The following HEXB variants were observed in gnomAD, a reference collection of about 807,000 sequenced individuals.
HEXB encodes the protein beta-hexosaminidase subunit beta.
Under a neutral mutation model 71.2 loss-of-function variants are expected in HEXB, and 51 were observed. The ratio of observed to expected loss-of-function variants is 0.72; its 90% CI spans 0.57 to 0.90. HEXB has a LOEUF of 0.90. HEXB is among the 40% of genes least tolerant of loss of function. The pLI, the probability that HEXB is intolerant of heterozygous loss-of-function variation, is 0.00. For missense variants in HEXB, 617 were observed against 677.0 expected, an observed-to-expected ratio of 0.91 and a Z score of 0.98; for synonymous variants, 266 against 249.3, an observed-to-expected ratio of 1.07 and a Z score of -0.63.
chr5:74,663,962 CA>C (rs1267387415), intron 1 of HEXB, among the ~76,000 whole-genome samples: 1 of 150,220 alleles, frequency 6.7e-6, no homozygotes. Flanking sequence ...CCTGTATCTA[CA>C]AAAAACTTTA....
intron 5 of HEXB, among the ~76,000 whole-genome samples, chr5:74,700,001 CTTTTTTTTT>C (rs58177670): frequency 4.5e-4 from 18 of 40,374 alleles, no homozygotes; most frequent in Non-Finnish European, 6.1e-4. Context: ...TGTAAGTTTC[CTTTTTTTTT>C]TTTTTTTTTT....
Position 74,688,336 on chromosome 5 carries a change from CT to C in HEXB, c.300-979del, listed in dbSNP as rs35044539. 2.4e-4 allele frequency among the ~76,000 whole-genome samples: 29 copies of C among 121,890 alleles called. 1 individual carries two copies. Among genetic ancestry groups the C allele is most frequent in the South Asian group, 7.7e-4 (3 of 3,920 alleles). The allele number at this position is 121,890 out of a possible 152,430, so 80.0% of individuals were successfully genotyped here. ...GATTTTTGGATACCAACAAAAGGTA[CT>C]TTTTTTTTTTTTGAGATGGAGTCTC... is the stretch of plus-strand genomic sequence containing the variant. On this transcript the variant is annotated intron_variant, in intron 1 of 13. Coordinates refer to ENST00000261416, the MANE Select transcript of HEXB (RefSeq NM_000521.4).
intron 1 of HEXB, among the ~76,000 whole-genome samples, chr5:74,686,000 C>T (rs542297154): frequency 2.6e-5 from 4 of 152,246 alleles, no homozygotes; most frequent in Admixed American, 6.5e-5. Flanking sequence ...GCCCCCTCAC[C>T]TCTCCTCACA....
At chr5:74,657,145 T>C (rs1056497886) in intron 1 of HEXB, among the ~76,000 whole-genome samples, 2 of 150,442 alleles carry the variant, frequency 1.3e-5, no homozygotes, top group Admixed American at 1.3e-4. Flanking sequence ...TGGGGAGGGG[T>C]CGTGTGTGTG....
intron 5 of HEXB, among the ~76,000 whole-genome samples, chr5:74,701,832 C>A (rs937033590): frequency 2.0e-5 from 3 of 151,946 alleles, no homozygotes; most frequent in Non-Finnish European, 4.4e-5. Context: ...TGCATCAATA[C>A]CCCCTTAATA....
At chr5:74,682,649 T>C (rs77729137), upstream of HEXB, among the ~76,000 whole-genome samples, 1,622 of 152,342 alleles carry the variant, frequency 0.011, 23 homozygotes, top group African/African-American at 0.037. Flanking sequence ...AAATTGATGA[T>C]TGAATCTTGG....
rs773767639 is a variant in HEXB, at chr5:74,652,027, G to A, written c.-377+11469G>A. 6.6e-6 allele frequency among the ~76,000 whole-genome samples: 1 copy of A among 152,156 alleles called. No individual in the cohort carries two copies. Among genetic ancestry groups the A allele is most frequent in the African/African-American group, 2.4e-5 (1 of 41,428 alleles). On this transcript the variant is annotated intron_variant, in intron 1 of 13. Coordinates refer to the HEXB transcript ENST00000511181. This position sits in a 1 kb window ranked among gnomAD's most constrained non-coding sequence, Gnocchi z 5.4. Reference sequence around the variant, plus strand: ...ACTCTTATGCCAGACAAACTAGGACGTGTCTAAAAAGTCAGACACTGCATT... The same window carrying A: ...ACTCTTATGCCAGACAAACTAGGACATGTCTAAAAAGTCAGACACTGCATT...
rs79877164 is a variant in HEXB at position 74,689,347 on chromosome 5, G to A, written c.319G>A (p.Gly107Ser). 6 of 1,612,906 alleles carry A rather than the reference G, an allele frequency of 3.7e-6. No homozygotes were observed. Among genetic ancestry groups the A allele is most frequent in the Non-Finnish European group, 5.1e-6 (6 of 1,179,120 alleles). ...AFRRYHGYIFGFYKWHHEPAE... is the reference protein window; with the variant it reads ...AFRRYHGYIFSFYKWHHEPAE... ...AAACAGATATCATGGCTATATTTTT[G>A]GTTTCTACAAGTGGCATCATGAACC... The change falls in exon 2 of 14, where the codon GGT becomes AGT. Residue 107 changes from glycine (G) to serine (S), a missense_variant. Transcript: ENST00000261416.
intron 1 of HEXB, among the ~76,000 whole-genome samples, chr5:74,649,637 T>C (rs1448649550): frequency 6.6e-6 from 1 of 152,242 alleles, no homozygotes; most frequent in Non-Finnish European, 1.5e-5. Flanking sequence ...AATGATTTTC[T>C]TGGTTTACTT....
chr5:74,712,198 G>A (rs1354402379), intron 6 of HEXB, among the ~76,000 whole-genome samples: 3 of 148,152 alleles, frequency 2.0e-5, no homozygotes, highest in Admixed American at 6.8e-5. Context: ...GCCAAACACC[G>A]CATATTCTCA....
upstream of HEXB, among the ~76,000 whole-genome samples, chr5:74,683,318 T>C (rs1454044654): frequency 6.6e-6 from 1 of 152,100 alleles, no homozygotes; most frequent in Non-Finnish European, 1.5e-5. Context: ...TTTTTTTTCT[T>C]TCTGAGACAG....
chr5:74,663,833 T>C (rs1293437841), intron 1 of HEXB, among the ~76,000 whole-genome samples: 2 of 152,176 alleles, frequency 1.3e-5, no homozygotes, highest in Non-Finnish European at 2.9e-5. Flanking sequence ...TACTTAAAAA[T>C]GGAATATTGG....
chr5:74,711,711 A>T (rs1446410870), intron 6 of HEXB, among the ~76,000 whole-genome samples: 1 of 152,154 alleles, frequency 6.6e-6, no homozygotes, highest in African/African-American at 2.4e-5. Context: ...CGTCAGAGAA[A>T]TGCAAATCAA....
intron 6 of HEXB, among the ~76,000 whole-genome samples, chr5:74,712,426 ATG>A (rs1749568313): frequency 7.4e-6 from 1 of 134,676 alleles, no homozygotes; most frequent in African/African-American, 3.4e-5. Flanking sequence ...AACTTAAAGT[ATG>A]ATAATAATAA....
chr5:74,704,009 C>T (rs113808162), intron 5 of HEXB, among the ~76,000 whole-genome samples: 2,781 of 152,222 alleles, frequency 0.018, 32 homozygotes, highest in Non-Finnish European at 0.029. Context: ...AATATAGGCA[C>T]GTACGTTTGT....
intron 7 of HEXB, among the ~76,000 whole-genome samples, chr5:74,715,127 A>G (rs1401479230): frequency 1.3e-5 from 2 of 152,228 alleles, no homozygotes; most frequent in African/African-American, 4.8e-5. Flanking sequence ...GAGAAGCTAG[A>G]GAAGGGAGCT....
chr5:74,697,924 A>G (rs768479405), intron 5 of HEXB, among the ~76,000 whole-genome samples: 1 of 151,940 alleles, frequency 6.6e-6, no homozygotes, highest in Non-Finnish European at 1.5e-5. Flanking sequence ...AAGGTTGACA[A>G]TAACTGTTTT....
Position 74,690,119 on chromosome 5 carries a change from A to G in HEXB, c.445+646A>G, listed in dbSNP as rs370558715. Among the ~76,000 whole-genome samples, 5 of 152,280 alleles carry G rather than the reference A, an allele frequency of 3.3e-5. No individual in the cohort carries two copies. In the South Asian group the frequency reaches 8.3e-4, roughly 25 times the overall value. ...GGTGGGTACAGCAGTTTCATTTGTA[A>G]TCTGCTGTACAATATAATCAACATT... On this transcript the variant is annotated intron_variant, in intron 2 of 13. Transcript: ENST00000261416.
At chr5:74,643,275 G>A (rs60942578) in intron 1 of HEXB, among the ~76,000 whole-genome samples, 5,224 of 152,252 alleles carry the variant, frequency 0.034, 288 homozygotes, top group African/African-American at 0.12. Flanking sequence ...TAATCCCACA[G>A]CATCTCTCAG....
Sources: gnomAD v4.1 joint callset for allele counts (sites outside exome capture counted in the v4.1 genomes callset) on GRCh38, gnomAD v4.1.1 for gene constraint, Gnocchi (gnomAD v3.1) non-coding constraint, MANE v1.5 for transcripts, NCBI Gene and HGNC (gene_info 2026-07-23, HGNC 2026-07-21) for gene names.